Variants in TCERG1L observed in about 807,000 individuals in gnomAD.
TCERG1L encodes the protein transcription elongation regulator 1 like, also known as transcription elongation regulator 1-like protein.
Under a neutral mutation model 56.3 loss-of-function variants are expected in TCERG1L, and 37 were observed. That is an observed-to-expected ratio of 0.66 (90% confidence interval 0.51 to 0.87). TCERG1L has a LOEUF of 0.87. Ranked by LOEUF, TCERG1L falls within the 40% of genes least tolerant of loss-of-function variation. The probability of loss-of-function intolerance (pLI) is 0.00; values close to 1 mark genes in which losing one functional copy is unlikely to be tolerated. For synonymous variants in TCERG1L, 324 were observed against 326.3 expected (o/e 0.99, Z 0.08); for missense variants, 799 against 774.2 (o/e 1.03, Z -0.38).
chr10:131,115,585 G>A (rs1363171664), intron 9 of TCERG1L, among the ~76,000 whole-genome samples: 1 of 82,370 alleles, frequency 1.2e-5, no homozygotes, highest in Non-Finnish European at 2.9e-5. Flanking sequence ...GGGTATTGCA[G>A]TCACCAGCTC....
intron 6 of TCERG1L, 76 bp from the exon 7 acceptor site, chr10:131,146,736 T>G: frequency 6.7e-7 from 1 of 1,494,778 alleles, no homozygotes. Context: ...GAACTCTCAC[T>G]GAAAAAGCCC....
At chr10:131,255,489 G>A (rs1846156868) in intron 4 of TCERG1L, among the ~76,000 whole-genome samples, 1 of 152,246 alleles carries the variant, frequency 6.6e-6, no homozygotes, top group Admixed American at 6.5e-5. Context: ...CCTCTGGGGT[G>A]AGCAGGAGGT....
chr10:131,288,441 G>A (rs1846570555), intron 3 of TCERG1L, among the ~76,000 whole-genome samples: 1 of 152,080 alleles, frequency 6.6e-6, no homozygotes, highest in South Asian at 2.1e-4. Flanking sequence ...ACCTTCAGGT[G>A]GGACCAGACC....
At chr10:131,124,316 C>T (rs1845543345) in intron 8 of TCERG1L, among the ~76,000 whole-genome samples, 1 of 152,166 alleles carries the variant, frequency 6.6e-6, no homozygotes, top group Non-Finnish European at 1.5e-5. Flanking sequence ...GAACAAGGTT[C>T]CAGGGTCTCT....
At chr10:131,233,501 CACAT>C (rs1388647210) in intron 4 of TCERG1L, among the ~76,000 whole-genome samples, 1 of 151,016 alleles carries the variant, frequency 6.6e-6, no homozygotes, top group South Asian at 2.1e-4. Flanking sequence ...CACACACACA[CACAT>C]GCACACACAA....
chr10:131,109,410 G>A lies in TCERG1L; in HGVS notation c.1396-5056C>T, dbSNP rs145987182. Among the ~76,000 whole-genome samples the A allele has an allele frequency of 5.0e-3, 754 of 152,254 alleles. 9 individuals are homozygous for A. Among genetic ancestry groups the A allele is most frequent in the African/African-American group, 0.017 (714 of 41,546 alleles). On this transcript the variant is annotated intron_variant, in intron 9 of 11. Coordinates refer to ENST00000368642, the MANE Select transcript of TCERG1L (RefSeq NM_174937.4). ...ATGACGTGGCCGTGTCTGTGACCGT[G>A]GCTGGGTCTGTGACCGTGACCATGT...
At chr10:131,242,291 C>T (rs901563682) in intron 4 of TCERG1L, among the ~76,000 whole-genome samples, 1 of 151,992 alleles carries the variant, frequency 6.6e-6, no homozygotes, top group Non-Finnish European at 1.5e-5. Flanking sequence ...AGTGAGGGGC[C>T]TCCAGGGAAA....
At chr10:131,248,949 G>A (rs1175625008) in intron 4 of TCERG1L, among the ~76,000 whole-genome samples, 2 of 152,210 alleles carry the variant, frequency 1.3e-5, no homozygotes, top group Non-Finnish European at 2.9e-5. Context: ...GCCGCCCTCG[G>A]CAGGACCAGC....
rs150818394 is a variant in TCERG1L at position 131,265,185 on chromosome 10, A to T, written c.671-4741T>A. 8.5e-5 allele frequency among the ~76,000 whole-genome samples: 13 copies of T among 152,336 alleles called. No individual in the cohort carries two copies. In the East Asian group the frequency reaches 2.5e-3, roughly 29 times the overall value. On this transcript the variant is annotated intron_variant, in intron 3 of 11. Transcript: ENST00000368642. ...AGATACTAAGGTGAGAGTGGTTTGT[A>T]TATGGAAGTGAGAAAATGTGTTTAC...
chr10:131,245,612 C>T (rs1161257752), intron 4 of TCERG1L, among the ~76,000 whole-genome samples: 6 of 152,170 alleles, frequency 3.9e-5, no homozygotes, highest in South Asian at 2.1e-4. Flanking sequence ...CGTGTCCTGC[C>T]CACAGGCCGC....
chr10:131,147,137 C>A (rs1025073821), intron 6 of TCERG1L, among the ~76,000 whole-genome samples: 3 of 152,180 alleles, frequency 2.0e-5, no homozygotes, highest in African/African-American at 7.2e-5. Flanking sequence ...CCTCCGGCAG[C>A]AGCAGAATTA....
At chr10:131,301,268 C>T (rs1008954894) in intron 3 of TCERG1L, among the ~76,000 whole-genome samples, 4 of 151,970 alleles carry the variant, frequency 2.6e-5, no homozygotes, top group African/African-American at 9.7e-5. Context: ...TTTTTAAAGG[C>T]TTTATACTCT....
intron 4 of TCERG1L, among the ~76,000 whole-genome samples, chr10:131,239,613 A>G (rs1235506942): frequency 1.3e-5 from 2 of 152,214 alleles, no homozygotes; most frequent in African/African-American, 4.8e-5. Flanking sequence ...CACCAGAGTC[A>G]GAGGTGAGGA....
intron 7 of TCERG1L, among the ~76,000 whole-genome samples, chr10:131,138,472 T>C (rs145845717): frequency 1.6e-3 from 239 of 152,292 alleles, no homozygotes; most frequent in African/African-American, 5.6e-3. Flanking sequence ...GAATCTGATT[T>C]CCACCAAAGT....
intron 9 of TCERG1L, among the ~76,000 whole-genome samples, chr10:131,109,317 C>T (rs1337491526): frequency 4.6e-5 from 7 of 152,230 alleles, no homozygotes; most frequent in Non-Finnish European, 7.3e-5. Context: ...CGTCACATCA[C>T]GCCCTGACGA....
chr10:131,167,393 G>A (rs1004427353), intron 4 of TCERG1L, among the ~76,000 whole-genome samples: 4 of 152,208 alleles, frequency 2.6e-5, no homozygotes, highest in African/African-American at 4.8e-5. Flanking sequence ...TCGCATTGTG[G>A]GGCCCCCAGT....
intron 4 of TCERG1L, among the ~76,000 whole-genome samples, chr10:131,177,531 A>G (rs2133448845): frequency 6.6e-6 from 1 of 152,378 alleles, no homozygotes. Flanking sequence ...TGCTCCTCCC[A>G]GCACAGGGCC....
At chr10:131,244,123 CAAAA>C in intron 4 of TCERG1L, among the ~76,000 whole-genome samples, 1 of 152,208 alleles carries the variant, frequency 6.6e-6, no homozygotes, top group Non-Finnish European at 1.5e-5. Context: ...AGTTAACTCG[CAAAA>C]ACGCAAGACA....
At chr10:131,177,054 G>A (rs1002373838) in intron 4 of TCERG1L, among the ~76,000 whole-genome samples, 6 of 670 alleles carry the variant, frequency 9.0e-3, no homozygotes, top group Admixed American at 0.019. Flanking sequence ...ACACACAGAC[G>A]TATACACACA....
Sources: allele counts gnomAD v4.1 joint callset (sites outside exome capture counted in the v4.1 genomes callset), GRCh38; gene constraint gnomAD v4.1.1; transcripts MANE v1.5; gene names NCBI Gene and HGNC (gene_info 2026-07-23, HGNC 2026-07-21).